PTDSS2: variants seen among roughly 807,000 people sequenced by gnomAD.
PTDSS2 encodes PSS-2.
A neutral mutation model predicts 64.7 loss-of-function variants in PTDSS2; 41 were observed. The ratio of observed to expected loss-of-function variants is 0.63; its 90% CI spans 0.49 to 0.82. The LOEUF (loss-of-function observed/expected upper bound fraction) is 0.82. Ranked by LOEUF, PTDSS2 falls within the 40% of genes least tolerant of loss-of-function variation. The probability of loss-of-function intolerance (pLI) is 0.00; values close to 1 mark genes in which losing one functional copy is unlikely to be tolerated. For missense variants in PTDSS2, 485 were observed against 650.0 expected, an observed-to-expected ratio of 0.75 and a Z score of 2.76; for synonymous variants, 297 against 277.8, an observed-to-expected ratio of 1.07 and a Z score of -0.69.
chr11:454,128 CT>C (rs1412083534), intron 1 of PTDSS2, among the ~76,000 whole-genome samples: 1 of 152,220 alleles, frequency 6.6e-6, no homozygotes, highest in Non-Finnish European at 1.5e-5. Flanking sequence ...AGGACTGGAG[CT>C]CACTAATACG....
Position 490,468 on chromosome 11 carries a change from C to T in PTDSS2, c.1350C>T (p.Asn450=). The part of the protein sequence containing the change: ...YKETRWQKWQ[N]KDDQGSTVGN... Reference sequence around the variant, plus strand: ...AGACCCGGTGGCAGAAGTGGCAGAACAAGGATGACCAGGGCAGCACCGTCG... The same window carrying T: ...AGACCCGGTGGCAGAAGTGGCAGAATAAGGATGACCAGGGCAGCACCGTCG... Residue 450 remains asparagine, a synonymous_variant, in exon 12 of 12, where the codon AAC becomes AAT. Transcript: ENST00000308020. 6.2e-7 allele frequency: 1 copy of T among 1,613,186 alleles called. No homozygotes were observed. The highest frequency in any genetic ancestry group is 1.1e-5 in the South Asian group (1 of 91,074).
chr11:453,138 C>T (rs1325296282), intron 1 of PTDSS2, among the ~76,000 whole-genome samples: 2 of 152,122 alleles, frequency 1.3e-5, no homozygotes, highest in African/African-American at 4.8e-5. Flanking sequence ...ATAGGGCGTG[C>T]GGTTCGATTC....
At chr11:464,698 C>T (rs1847063480) in intron 2 of PTDSS2, among the ~76,000 whole-genome samples, 1 of 152,222 alleles carries the variant, frequency 6.6e-6, no homozygotes, top group Non-Finnish European at 1.5e-5. Flanking sequence ...CACTGATCTG[C>T]CTGTATGGGG....
chr11:480,772 C>T (rs1848032674), intron 4 of PTDSS2, among the ~76,000 whole-genome samples: 1 of 152,132 alleles, frequency 6.6e-6, no homozygotes, highest in Admixed American at 6.6e-5. Context: ...TGGTCTTGAA[C>T]TCCTGACCTC....
intron 2 of PTDSS2, among the ~76,000 whole-genome samples, chr11:469,565 T>G (rs888843373): frequency 1.4e-4 from 22 of 151,862 alleles, no homozygotes; most frequent in African/African-American, 5.3e-4. Context: ...GAGGTTGGAG[T>G]GGCCGCTGTG....
At chr11:452,390 T>C (rs546215425) in intron 1 of PTDSS2, among the ~76,000 whole-genome samples, 30 of 152,362 alleles carry the variant, frequency 2.0e-4, no homozygotes, top group African/African-American at 6.5e-4. Context: ...CATGCAAGCC[T>C]GCGCAGCCCA....
chr11:474,843 A>G (rs1847653246), intron 3 of PTDSS2, among the ~76,000 whole-genome samples: 1 of 151,058 alleles, frequency 6.6e-6, no homozygotes, highest in Non-Finnish European at 1.5e-5. Context: ...TGATACGGAC[A>G]TATTCACTTG....
At chr11:489,215 G>A (rs560827495) in intron 8 of PTDSS2, 185 bp from the exon 9 acceptor site, 4 of 609,516 alleles carry the variant, frequency 6.6e-6, no homozygotes, top group Non-Finnish European at 1.2e-5. Flanking sequence ...CAGCCGGGCA[G>A]CAGCTGGGTA....
chr11:477,038 G>C (rs927937987), intron 3 of PTDSS2, among the ~76,000 whole-genome samples: 1 of 152,156 alleles, frequency 6.6e-6, no homozygotes, highest in Admixed American at 6.5e-5. Flanking sequence ...AGGGAGAAGG[G>C]CTTTCTCCAG....
intron 4 of PTDSS2, among the ~76,000 whole-genome samples, chr11:484,694 T>C (rs1848221860): frequency 7.0e-6 from 1 of 141,880 alleles, no homozygotes. Context: ...GTGTGTGCTG[T>C]GTGTGTGCAG....
At position 490,810 on chromosome 11, in the gene PTDSS2, G is replaced by GTGTGTGTA. The variant is rs1848650206; in HGVS notation, c.*228_*229insTGTGTGTA. 4 of 574,898 alleles carry GTGTGTGTA rather than the reference G, an allele frequency of 7.0e-6. No homozygotes were observed. The highest frequency in any genetic ancestry group is 3.2e-5 in the Admixed American group (1 of 31,630). The allele number at this position is 574,898 out of a possible 1,614,324, so 35.6% of individuals were successfully genotyped here. A position where few individuals can be genotyped will look rare whatever the true frequency, so the allele number is the denominator to read the frequency against. Reference sequence around the variant, plus strand: ...TATGCGTGTGTGTACGCGTGTGTACGCGCGTGTGTACACATGCGTGGCCGC... The same window carrying GTGTGTGTA: ...TATGCGTGTGTGTACGCGTGTGTACGTGTGTGTACGCGTGTGTACACATGCGTGGCCGC... On this transcript the variant is annotated 3_prime_UTR_variant, in exon 12 of 12. Coordinates refer to ENST00000308020, the MANE Select transcript of PTDSS2 (RefSeq NM_030783.3).
chr11:475,454 C>T (rs1294626463), intron 3 of PTDSS2, among the ~76,000 whole-genome samples: 2 of 149,470 alleles, frequency 1.3e-5, no homozygotes, highest in African/African-American at 2.5e-5. Flanking sequence ...TTGTGTGATA[C>T]GGATATATTC....
chr11:489,293 G>C, intron 8 of PTDSS2, 107 bp from the exon 9 acceptor site: 2 of 907,352 alleles, frequency 2.2e-6, no homozygotes, highest in Non-Finnish European at 3.4e-6. Flanking sequence ...GAGCTCGTCC[G>C]ATGGCACAGG....
chr11:477,627 G>A (rs1392432467), intron 3 of PTDSS2, among the ~76,000 whole-genome samples: 1 of 152,240 alleles, frequency 6.6e-6, no homozygotes, highest in Non-Finnish European at 1.5e-5. Context: ...ACTTGGCAGT[G>A]CGGGGAGGGA....
chr11:489,860 T>A, intron 10 of PTDSS2, 23 bp from the exon 11 acceptor site: 1 of 1,562,394 alleles, frequency 6.4e-7, no homozygotes, highest in Non-Finnish European at 8.6e-7. Context: ...CCCGGGACGC[T>A]GAACCCCCTG....
At position 461,921 on chromosome 11, in the gene PTDSS2, A is replaced by G. The variant is rs1269822453; in HGVS notation, c.284+1633A>G. 6.6e-6 allele frequency among the ~76,000 whole-genome samples: 1 copy of G among 152,146 alleles called. No homozygotes were observed. The highest frequency in any genetic ancestry group is 2.4e-5 in the African/African-American group (1 of 41,436). On this transcript the variant is annotated intron_variant, in intron 2 of 11. Transcript: ENST00000308020. The surrounding 1 kb of genome is among the most constrained non-coding windows in gnomAD (Gnocchi z 4.2). The stretch of plus-strand genomic sequence containing the variant: ...GGGCAGGAGCCCCGTGTGTGCCTAG[A>G]GGGAGCTTTCAAGGAGGACTTGGTC...
In PTDSS2 at chr11:460,357, C is replaced by G; in HGVS notation, c.284+69C>G. On this transcript the variant is annotated intron_variant, in intron 2 of 11. Coordinates refer to ENST00000308020, the MANE Select transcript of PTDSS2 (RefSeq NM_030783.3). The surrounding 1 kb of genome is among the most constrained non-coding windows in gnomAD (Gnocchi z 5.8). ...CCGTGTGGTGGGTGTGGCACCCTTA[C>G]TGCTCGGGCTGCCGGGGGCTCAGAA... is the stretch of plus-strand genomic sequence containing the variant. 7.6e-7 allele frequency: 1 copy of G among 1,319,642 alleles called. No homozygotes were observed. Among genetic ancestry groups the G allele is most frequent in the South Asian group, 1.2e-5 (1 of 82,922 alleles). The allele number at this position is 1,319,642 out of a possible 1,614,324, so 81.7% of individuals were successfully genotyped here.
At chr11:450,946 G>A (rs1203652017) in intron 1 of PTDSS2, among the ~76,000 whole-genome samples, 1 of 151,928 alleles carries the variant, frequency 6.6e-6, no homozygotes, top group Non-Finnish European at 1.5e-5. Flanking sequence ...TGACCGCGCG[G>A]TTCTGCGATC....
At chr11:474,439 T>G in intron 3 of PTDSS2, among the ~76,000 whole-genome samples, 1 of 87,050 alleles carries the variant, frequency 1.1e-5, no homozygotes, top group African/African-American at 4.6e-5. Context: ...GGCGGGTGGG[T>G]GAGGGCTCCA....
Sources: allele counts gnomAD v4.1 joint callset (sites outside exome capture counted in the v4.1 genomes callset), GRCh38; gene constraint gnomAD v4.1.1; non-coding constraint Gnocchi (gnomAD v3.1); transcripts MANE v1.5; gene names NCBI Gene and HGNC (gene_info 2026-07-23, HGNC 2026-07-21).